The following WASL variants were observed in gnomAD, a reference collection of about 807,000 sequenced individuals.
The protein encoded by WASL is actin nucleation-promoting factor WASL.
Under a neutral mutation model 55.5 loss-of-function variants are expected in WASL, and 20 were observed. That is an observed-to-expected ratio of 0.36 (90% CI 0.25 to 0.52). The LOEUF is 0.52. WASL is among the 20% of genes least tolerant of loss of function. WASL has a pLI of 0.92. For missense variants in WASL, 504 were observed against 622.5 expected (o/e 0.81, Z 2.03); for synonymous variants, 249 against 217.6 (o/e 1.14, Z -1.27).
At chr7:123,734,310 T>C in intron 1 of WASL, among the ~76,000 whole-genome samples, 1 of 151,790 alleles carries the variant, frequency 6.6e-6, no homozygotes, top group East Asian at 1.9e-4. Flanking sequence ...ACACACCCAA[T>C]AAAAAATCTG....
chr7:123,700,873 T>C (rs1803578393), intron 5 of WASL, among the ~76,000 whole-genome samples: 1 of 152,254 alleles, frequency 6.6e-6, no homozygotes, highest in South Asian at 2.1e-4. Flanking sequence ...CAACAAGTCA[T>C]TATTCAACAA....
Position 123,689,006 on chromosome 7 carries a change from GTCTCTCTC to G in WASL, c.1456+28_1456+35del, listed in dbSNP as rs3035629. 6,198 of 1,274,412 alleles carry G rather than the reference GTCTCTCTC, an allele frequency of 4.9e-3. 2 individuals are homozygous for G. Among genetic ancestry groups the G allele is most frequent in the South Asian group, 7.2e-3 (592 of 81,856 alleles). 78.9% of individuals were successfully genotyped at this position (1,274,412 alleles called of 1,614,324 possible). On this transcript the variant is annotated intron_variant, in intron 10 of 10. Transcript: ENST00000223023. ...TTAAACACACACGCACACTCTCTCTGTCTCTCTCTCTCTCTCTCTCTCTCTCTCTCTCT... is the reference window on the plus strand; with the variant it reads ...TTAAACACACACGCACACTCTCTCTGTCTCTCTCTCTCTCTCTCTCTCTCT...
Position 123,698,351 on chromosome 7 carries a change from G to GAA in WASL, c.461-1606_461-1605dup, listed in dbSNP as rs34132314. 3.2e-4 allele frequency among the ~76,000 whole-genome samples: 44 copies of GAA among 136,150 alleles called. 1 individual carries two copies. Among genetic ancestry groups the GAA allele is most frequent in the Admixed American group, 2.1e-3 (29 of 13,508 alleles). The allele number at this position is 136,150 out of a possible 152,430, so 89.3% of individuals were successfully genotyped here. On this transcript the variant is annotated intron_variant, in intron 5 of 10. Transcript: ENST00000223023. ...AGTATCCTACTTACTAAAATTATCT[G>GAA]AAAAAAAAAAAAAGTTTATTTACAT...
At chr7:123,727,224 T>C (rs1273562291) in intron 1 of WASL, among the ~76,000 whole-genome samples, 4 of 152,176 alleles carry the variant, frequency 2.6e-5, no homozygotes, top group Non-Finnish European at 5.9e-5. Flanking sequence ...CATACATAGC[T>C]GGTGGAAGTG....
intron 1 of WASL, among the ~76,000 whole-genome samples, chr7:123,739,703 T>TA (rs1382707291): frequency 6.6e-6 from 1 of 152,154 alleles, no homozygotes. Context: ...ATTTTCAACT[T>TA]ACGACAGGTT....
chr7:123,720,805 T>C (rs202055964), intron 1 of WASL, among the ~76,000 whole-genome samples: 23 of 152,130 alleles, frequency 1.5e-4, no homozygotes, highest in Non-Finnish European at 3.1e-4. Context: ...GCCTGCACAC[T>C]GTGGGATTTT....
chr7:123,689,061 G>A lies in WASL; in HGVS notation c.1437C>T (p.Ser479=), dbSNP rs376251154. The A allele has an allele frequency of 6.3e-7, 1 of 1,592,494 alleles. No individual in the cohort carries two copies. Among genetic ancestry groups the A allele is most frequent in the African/African-American group, 1.4e-5 (1 of 73,638 alleles). ...CTCTACCTGAAGAATGAATGGCTTT[G>A]CTCCTTTTCTGCATCACTTCCATTA... ...GALMEVMQKR[S]KAIHSSDEDE... Residue 479 remains serine, a synonymous_variant, in exon 10 of 11, where the codon AGC becomes AGT. Coordinates refer to ENST00000223023, the MANE Select transcript of WASL (RefSeq NM_003941.4).
chr7:123,728,055 G>A (rs1010606182), intron 1 of WASL, among the ~76,000 whole-genome samples: 4 of 152,182 alleles, frequency 2.6e-5, no homozygotes, highest in Non-Finnish European at 4.4e-5. Flanking sequence ...ATATACTGCT[G>A]TATTCATCAT....
In WASL at chr7:123,683,808, G is replaced by A. The variant is rs1030965263; in HGVS notation, c.*711C>T. 1.3e-5 allele frequency: 2 copies of A among 151,896 alleles called. No homozygotes were observed. The highest frequency in any genetic ancestry group is 2.9e-5 in the Non-Finnish European group (2 of 67,902). The allele number at this position is 151,896 out of a possible 1,614,324, so 9.4% of individuals were successfully genotyped here. On this transcript the variant is annotated 3_prime_UTR_variant, in exon 11 of 11. Coordinates refer to ENST00000223023, the MANE Select transcript of WASL (RefSeq NM_003941.4). ...TTGCTAAAAAGAGCCTGTCACATTT[G>A]CTACAGCATAAAAATAACCCCAGTC...
chr7:123,719,705 C>A (rs1335817930), intron 1 of WASL, among the ~76,000 whole-genome samples: 3 of 152,162 alleles, frequency 2.0e-5, no homozygotes, highest in East Asian at 3.9e-4. Flanking sequence ...CTCCAGCAAG[C>A]CTTTGTATCC....
intron 1 of WASL, among the ~76,000 whole-genome samples, chr7:123,743,186 A>T (rs1390992955): frequency 6.6e-6 from 1 of 152,012 alleles, no homozygotes; most frequent in Admixed American, 6.6e-5. Flanking sequence ...AAAATACAAA[A>T]ATTAGCCAGG....
chr7:123,684,497 ATAT>A lies in WASL; in HGVS notation c.*19_*21del. Reference sequence around the variant, plus strand: ...GTTTAGTATTTCACCTTAAAAATATATATATATATATAATATATAGATCAGTCT... The same window carrying A: ...GTTTAGTATTTCACCTTAAAAATATAATATATATAATATATAGATCAGTCT... On this transcript the variant is annotated 3_prime_UTR_variant, in exon 11 of 11. Transcript: ENST00000223023. The A allele has an allele frequency of 1.8e-6, 1 of 563,598 alleles. No individual in the cohort carries two copies. Among genetic ancestry groups the A allele is most frequent in the Non-Finnish European group, 2.9e-6 (1 of 349,242 alleles). The allele number at this position is 563,598 out of a possible 1,614,324, so 34.9% of individuals were successfully genotyped here.
chr7:123,693,616 G>A (rs1418073103), intron 8 of WASL, among the ~76,000 whole-genome samples: 1 of 152,188 alleles, frequency 6.6e-6, no homozygotes, highest in South Asian at 2.1e-4. Flanking sequence ...TATTATTCCA[G>A]TAGTCATGAT....
At chr7:123,731,559 T>TA (rs1804137060) in intron 1 of WASL, among the ~76,000 whole-genome samples, 1 of 151,822 alleles carries the variant, frequency 6.6e-6, no homozygotes, top group African/African-American at 2.4e-5. Context: ...TTTTGGGCCA[T>TA]AAAACACACC....
chr7:123,706,500 A>G, intron 3 of WASL, 127 bp from the exon 4 acceptor site: 1 of 916,586 alleles, frequency 1.1e-6, no homozygotes, highest in Non-Finnish European at 1.6e-6. Context: ...CAGATAAGAC[A>G]TTATTTTATG....
intron 8 of WASL, 107 bp downstream of exon 8, chr7:123,694,608 C>T: frequency 8.4e-7 from 1 of 1,187,790 alleles, no homozygotes; most frequent in South Asian, 1.4e-5. Context: ...TAGACTTCAA[C>T]ATTCTGCTCA....
intron 1 of WASL, among the ~76,000 whole-genome samples, chr7:123,737,786 A>C (rs373462783): frequency 3.9e-4 from 60 of 152,318 alleles, no homozygotes; most frequent in African/African-American, 1.3e-3. Flanking sequence ...GAAAAATGTG[A>C]GCAAATATTT....
intron 1 of WASL, among the ~76,000 whole-genome samples, chr7:123,718,183 T>C (rs1423892676): frequency 2.0e-5 from 3 of 152,216 alleles, no homozygotes; most frequent in Non-Finnish European, 4.4e-5. Context: ...TTTGTTGTGA[T>C]CTTTTCTCAC....
chr7:123,706,861 C>T, intron 2 of WASL, 35 bp from the exon 3 acceptor site: 1 of 1,290,224 alleles, frequency 7.8e-7, no homozygotes. Context: ...TAAGAACTAC[C>T]AAAACATAAT....
Sources: gnomAD v4.1 joint callset for allele counts (sites outside exome capture counted in the v4.1 genomes callset) on GRCh38, gnomAD v4.1.1 for gene constraint, MANE v1.5 for transcripts, NCBI Gene and HGNC (gene_info 2026-07-23, HGNC 2026-07-21) for gene names.